SSBP3: variants seen among roughly 807,000 people sequenced by gnomAD.
SSBP3 encodes the protein single stranded DNA binding protein 3.
Under a neutral mutation model 69.6 loss-of-function variants are expected in SSBP3, and 5 were observed. That is an observed-to-expected ratio of 0.07 (90% CI 0.04 to 0.15). The LOEUF is 0.15. Among genes scored for constraint, SSBP3 ranks in the 10% least tolerant of loss-of-function variants. The pLI, the probability that SSBP3 is intolerant of heterozygous loss-of-function variation, is 1.00. For missense variants in SSBP3, 312 were observed against 534.0 expected (o/e 0.58, Z 4.10); for synonymous variants, 196 against 193.4 (o/e 1.01, Z -0.11).
At chr1:54,285,033 C>T (rs1268124705) in intron 4 of SSBP3, among the ~76,000 whole-genome samples, 2 of 152,092 alleles carry the variant, frequency 1.3e-5, no homozygotes, top group African/African-American at 4.8e-5. Context: ...AAACCAAGAC[C>T]ATGTTAGCAT....
chr1:54,378,548 C>T (rs1158229247), intron 4 of SSBP3, among the ~76,000 whole-genome samples: 1 of 152,222 alleles, frequency 6.6e-6, no homozygotes, highest in Non-Finnish European at 1.5e-5. Context: ...GCAACACCCC[C>T]TCCAAAGCTG....
chr1:54,403,398 A>G (rs1048535047), intron 3 of SSBP3, among the ~76,000 whole-genome samples: 1 of 152,126 alleles, frequency 6.6e-6, no homozygotes, highest in Non-Finnish European at 1.5e-5. Flanking sequence ...GTAACCTTCA[A>G]TCATAAACCT....
intron 14 of SSBP3, among the ~76,000 whole-genome samples, chr1:54,229,743 C>T (rs1382353638): frequency 6.6e-6 from 1 of 152,108 alleles, no homozygotes; most frequent in Non-Finnish European, 1.5e-5. Flanking sequence ...GCATCTGCAT[C>T]GAGTGGGAAG....
At chr1:54,338,442 T>C (rs1310942922) in intron 4 of SSBP3, among the ~76,000 whole-genome samples, 2 of 152,212 alleles carry the variant, frequency 1.3e-5, no homozygotes, top group African/African-American at 2.4e-5. Flanking sequence ...GATGAGCACA[T>C]GGCTGCCCGC....
chr1:54,306,347 A>G (rs1346451365), intron 4 of SSBP3, among the ~76,000 whole-genome samples: 3 of 152,244 alleles, frequency 2.0e-5, no homozygotes, highest in African/African-American at 7.2e-5. Context: ...ATTGGAGAAC[A>G]GGGGACAGCT....
chr1:54,281,313 C>G (rs2100878818), intron 5 of SSBP3, 125 bp downstream of exon 5: 1 of 716,902 alleles, frequency 1.4e-6, no homozygotes, highest in East Asian at 2.9e-5. Flanking sequence ...TTTGAACCAG[C>G]ATAAAGCAAC....
At chr1:54,239,991 C>A (rs1291617710) in intron 13 of SSBP3, among the ~76,000 whole-genome samples, 1 of 151,574 alleles carries the variant, frequency 6.6e-6, no homozygotes, top group South Asian at 2.1e-4. Context: ...ATGTTGAATT[C>A]CTTCTAGCTG....
intron 13 of SSBP3, among the ~76,000 whole-genome samples, chr1:54,240,099 C>CAT (rs1644594781): frequency 4.9e-4 from 52 of 105,338 alleles, no homozygotes; most frequent in Admixed American, 4.4e-3. Flanking sequence ...CGCGCGCGCG[C>CAT]GTGTGCGTGC....
Position 54,258,239 on chromosome 1 carries a change from C to A in SSBP3, c.367-90G>T. The A allele has an allele frequency of 9.5e-7, 1 of 1,055,794 alleles. No homozygotes were observed. Among genetic ancestry groups the A allele is most frequent in the Non-Finnish European group, 1.3e-6 (1 of 795,464 alleles). 65.4% of individuals were successfully genotyped at this position (1,055,794 alleles called of 1,614,324 possible). On this transcript the variant is annotated intron_variant, in intron 5 of 17. Coordinates refer to ENST00000610401, the Ensembl canonical transcript of SSBP3. This position sits in a 1 kb window ranked among gnomAD's most constrained non-coding sequence, Gnocchi z 4.5. Reference sequence around the variant, plus strand: ...TAAAAGAACAAAAATTAAACCAAAACGAAGGGTGGGCGGCGGGCGTGCGGG... The same window carrying A: ...TAAAAGAACAAAAATTAAACCAAAAAGAAGGGTGGGCGGCGGGCGTGCGGG...
At chr1:54,358,994 T>C (rs1488685690) in intron 4 of SSBP3, among the ~76,000 whole-genome samples, 1 of 152,028 alleles carries the variant, frequency 6.6e-6, no homozygotes, top group Admixed American at 6.6e-5. Context: ...CTCTGCCAAC[T>C]CCAGGCGCTT....
At chr1:54,318,033 G>A (rs1459084346) in intron 4 of SSBP3, among the ~76,000 whole-genome samples, 1 of 152,166 alleles carries the variant, frequency 6.6e-6, no homozygotes, top group African/African-American at 2.4e-5. Context: ...CTCCCAAATT[G>A]GTGGGATTAA....
intron 4 of SSBP3, among the ~76,000 whole-genome samples, chr1:54,289,850 C>T: frequency 6.6e-6 from 1 of 152,070 alleles, no homozygotes; most frequent in Non-Finnish European, 1.5e-5. Context: ...GCTTTCCCTC[C>T]CCCAGGATAG....
chr1:54,225,683 G>T, exon 18 of SSBP3: 2 of 212,796 alleles, frequency 9.4e-6, no homozygotes, highest in African/African-American at 2.3e-5. Flanking sequence ...TACAGGGGAG[G>T]GAGGAAGGAG....
chr1:54,331,625 C>T lies in SSBP3; in HGVS notation c.277-50098G>A, dbSNP rs1055393113. Among the ~76,000 whole-genome samples the T allele has an allele frequency of 5.3e-5, 8 of 152,290 alleles. No homozygotes were observed. The East Asian group carries it at 5.8e-4, about 11-fold the overall frequency. On this transcript the variant is annotated intron_variant, in intron 4 of 17. Coordinates refer to ENST00000610401, the Ensembl canonical transcript of SSBP3. ...CACAGGATTTGGCATTTGCCTGTGCCGGGCTATCACTCCTGCCCTGCAACA... is the reference window on the plus strand; with the variant it reads ...CACAGGATTTGGCATTTGCCTGTGCTGGGCTATCACTCCTGCCCTGCAACA...
chr1:54,296,431 G>A (rs1473958677), intron 4 of SSBP3, among the ~76,000 whole-genome samples: 1 of 152,196 alleles, frequency 6.6e-6, no homozygotes, highest in Non-Finnish European at 1.5e-5. Context: ...TAAGGCCATT[G>A]CCATGGTCCT....
chr1:54,405,659 C>A (rs1649680967), intron 1 of SSBP3, among the ~76,000 whole-genome samples: 1 of 152,028 alleles, frequency 6.6e-6, no homozygotes, highest in African/African-American at 2.4e-5. Context: ...ACCTCGCCCA[C>A]CACTCACCGC....
intron 4 of SSBP3, among the ~76,000 whole-genome samples, chr1:54,313,258 A>G (rs1022261451): frequency 6.6e-6 from 1 of 151,714 alleles, no homozygotes; most frequent in Admixed American, 6.6e-5. Flanking sequence ...CCAAAGAAGA[A>G]CCTGGGGGAG....
At chr1:54,273,442 G>C (rs955889349) in intron 5 of SSBP3, among the ~76,000 whole-genome samples, 1 of 152,226 alleles carries the variant, frequency 6.6e-6, no homozygotes. Context: ...GGCACGTCAG[G>C]AGTAACCTTT....
chr1:54,270,379 G>A (rs752404012), intron 5 of SSBP3, among the ~76,000 whole-genome samples: 26 of 152,174 alleles, frequency 1.7e-4, no homozygotes, highest in African/African-American at 3.6e-4. Flanking sequence ...GCTCCTGTGC[G>A]GTGGAGCAGG....
Sources: allele counts gnomAD v4.1 joint callset (sites outside exome capture counted in the v4.1 genomes callset), GRCh38; gene constraint gnomAD v4.1.1; non-coding constraint Gnocchi (gnomAD v3.1); transcripts MANE v1.5; gene names NCBI Gene and HGNC (gene_info 2026-07-23, HGNC 2026-07-21).